The following SLCO3A1 variants were observed in gnomAD, a reference collection of about 807,000 sequenced individuals.
SLCO3A1 encodes solute carrier organic anion transporter family member 3A1.
Under a neutral mutation model 63.1 loss-of-function variants are expected in SLCO3A1, and 27 were observed. That is an observed-to-expected ratio of 0.43 (90% confidence interval 0.32 to 0.59). The LOEUF (loss-of-function observed/expected upper bound fraction) is 0.59. Among genes scored for constraint, SLCO3A1 ranks in the 20% least tolerant of loss-of-function variants. SLCO3A1 has a pLI of 0.09. For synonymous variants in SLCO3A1, 473 were observed against 409.9 expected (o/e 1.15, Z -1.86); for missense variants, 773 against 945.8 (o/e 0.82, Z 2.40).
rs538290228 is a variant in SLCO3A1 at position 92,147,246 on chromosome 15, G to T, written c.1688+87G>T. The T allele has an allele frequency of 5.4e-5, 73 of 1,344,312 alleles. 1 individual carries two copies. In the Middle Eastern group the frequency reaches 5.7e-4, roughly 10 times the overall value. The allele number at this position is 1,344,312 out of a possible 1,614,324, so 83.3% of individuals were successfully genotyped here. A position where few individuals can be genotyped will look rare whatever the true frequency, so the allele number is the denominator to read the frequency against. On this transcript the variant is annotated intron_variant, in intron 8 of 9. Coordinates refer to ENST00000318445, the MANE Select transcript of SLCO3A1 (RefSeq NM_013272.4). ...CTAGGGACCAGAGCTTCAGACAACAGGAATCTCTCGAACCAGGTGAGCTAG... is the reference window on the plus strand; with the variant it reads ...CTAGGGACCAGAGCTTCAGACAACATGAATCTCTCGAACCAGGTGAGCTAG...
In SLCO3A1 at chr15:91,882,358, T is replaced by C. The variant is rs1447856466; in HGVS notation, c.180+28270T>C. On this transcript the variant is annotated intron_variant, in intron 1 of 9. Coordinates refer to ENST00000318445, the MANE Select transcript of SLCO3A1 (RefSeq NM_013272.4). This position sits in a 1 kb window ranked among gnomAD's most constrained non-coding sequence, Gnocchi z 4.4. Reference sequence around the variant, plus strand: ...TATTGAACCCATGCATTTGCTTCTCTTTGTGTTCATAGCTCCCAGTTTAAG... The same window carrying C: ...TATTGAACCCATGCATTTGCTTCTCCTTGTGTTCATAGCTCCCAGTTTAAG... 6.6e-6 allele frequency among the ~76,000 whole-genome samples: 1 copy of C among 152,234 alleles called. No individual in the cohort carries two copies. Among genetic ancestry groups the C allele is most frequent in the Non-Finnish European group, 1.5e-5 (1 of 68,046 alleles).
In SLCO3A1 at chr15:92,061,480, G is replaced by T. The variant is rs114213569; in HGVS notation, c.647-33401G>T. ...GTTCCTTAGTAGCTGCCCCTCTGAA[G>T]GTCCTGAGAGACTGAGACTTCCCAA... On this transcript the variant is annotated intron_variant, in intron 2 of 9. Coordinates refer to ENST00000318445, the MANE Select transcript of SLCO3A1 (RefSeq NM_013272.4). Among the ~76,000 whole-genome samples, 664 of 152,320 alleles carry T rather than the reference G, an allele frequency of 4.4e-3. 5 individuals carry two copies. Among genetic ancestry groups the T allele is most frequent in the African/African-American group, 0.015 (615 of 41,570 alleles).
At chr15:92,062,079 A>G (rs1412853932) in intron 2 of SLCO3A1, among the ~76,000 whole-genome samples, 1 of 152,254 alleles carries the variant, frequency 6.6e-6, no homozygotes, top group Non-Finnish European at 1.5e-5. Context: ...TTGTCAAAAC[A>G]GGATGAAGAG....
At chr15:92,083,680 GC>G (rs1387782329) in intron 2 of SLCO3A1, among the ~76,000 whole-genome samples, 1 of 152,146 alleles carries the variant, frequency 6.6e-6, no homozygotes, top group Admixed American at 6.5e-5. Context: ...TAAGCCTTGT[GC>G]ATAGAAACAG....
At chr15:91,990,966 G>A (rs2046119083) in intron 2 of SLCO3A1, among the ~76,000 whole-genome samples, 1 of 152,236 alleles carries the variant, frequency 6.6e-6, no homozygotes, top group South Asian at 2.1e-4. Flanking sequence ...CAGCAGCAAA[G>A]CGGGCACTTC....
intron 2 of SLCO3A1, among the ~76,000 whole-genome samples, chr15:92,045,203 C>T (rs1395420014): frequency 2.0e-5 from 3 of 150,052 alleles, no homozygotes; most frequent in African/African-American, 7.4e-5. Context: ...TCTCTTGAAC[C>T]TGGGAGGCGG....
intron 1 of SLCO3A1, among the ~76,000 whole-genome samples, chr15:91,905,273 C>T (rs1345275482): frequency 6.6e-6 from 1 of 152,168 alleles, no homozygotes; most frequent in Non-Finnish European, 1.5e-5. Flanking sequence ...CTGCCTTAAA[C>T]CAATGTTTCT....
intron 2 of SLCO3A1, among the ~76,000 whole-genome samples, chr15:91,965,570 G>A (rs1332252191): frequency 2.6e-5 from 4 of 152,070 alleles, no homozygotes; most frequent in African/African-American, 9.7e-5. Context: ...TTTCTATGTT[G>A]CCTGCTCATC....
chr15:92,090,056 C>T lies in SLCO3A1; in HGVS notation c.647-4825C>T, dbSNP rs181676298. On this transcript the variant is annotated intron_variant, in intron 2 of 9. Transcript: ENST00000318445. ...ACAGAAAATATATATATATTTTAGT[C>T]ATAATCGCTTACTAATGGGATGTGT... 7.9e-5 allele frequency among the ~76,000 whole-genome samples: 12 copies of T among 152,252 alleles called. No individual in the cohort carries two copies. In the South Asian group the frequency reaches 2.3e-3, roughly 29 times the overall value.
At chr15:91,988,604 T>A (rs1036425829) in intron 2 of SLCO3A1, among the ~76,000 whole-genome samples, 1 of 152,056 alleles carries the variant, frequency 6.6e-6, no homozygotes, top group Admixed American at 6.6e-5. Context: ...GTTTTTGAAC[T>A]TGAGGGGAAT....
chr15:91,869,229 T>C (rs1225860035), intron 1 of SLCO3A1, among the ~76,000 whole-genome samples: 2 of 152,084 alleles, frequency 1.3e-5, no homozygotes, highest in African/African-American at 4.8e-5. Flanking sequence ...AGGGAGACCC[T>C]GTCTCTACAA....
At chr15:92,077,195 G>A (rs573078219) in intron 2 of SLCO3A1, among the ~76,000 whole-genome samples, 5 of 152,226 alleles carry the variant, frequency 3.3e-5, no homozygotes, top group South Asian at 2.1e-4. Context: ...CCCACGACCC[G>A]TGGGAATTAT....
At chr15:92,001,173 G>T (rs1165879048) in intron 2 of SLCO3A1, among the ~76,000 whole-genome samples, 1 of 129,012 alleles carries the variant, frequency 7.8e-6, no homozygotes, top group African/African-American at 2.9e-5. Context: ...TAAATAAGCA[G>T]TTAAGAACCA....
At chr15:92,058,425 C>T (rs1021435801) in intron 2 of SLCO3A1, among the ~76,000 whole-genome samples, 24 of 152,176 alleles carry the variant, frequency 1.6e-4, no homozygotes, top group East Asian at 3.9e-4. Flanking sequence ...CTCACCCATC[C>T]CCTAAGCCCA....
chr15:92,015,119 C>T (rs34434778), intron 2 of SLCO3A1, among the ~76,000 whole-genome samples: 46 of 152,132 alleles, frequency 3.0e-4, no homozygotes, highest in Non-Finnish European at 6.0e-4. Flanking sequence ...GAGTGATGTC[C>T]TACTGATGAG....
intron 2 of SLCO3A1, among the ~76,000 whole-genome samples, chr15:91,978,713 G>A (rs1238100952): frequency 1.3e-5 from 2 of 152,192 alleles, no homozygotes; most frequent in Admixed American, 6.5e-5. Context: ...TTACTAAGTA[G>A]ATAGATTAAA....
chr15:92,058,608 A>G (rs1021552285), intron 2 of SLCO3A1, among the ~76,000 whole-genome samples: 7 of 152,120 alleles, frequency 4.6e-5, no homozygotes, highest in Non-Finnish European at 5.9e-5. Flanking sequence ...TCTCTGGGAG[A>G]TGAATATTCC....
chr15:92,112,681 G>A (rs1022315759), intron 4 of SLCO3A1, among the ~76,000 whole-genome samples: 4 of 152,216 alleles, frequency 2.6e-5, no homozygotes, highest in Non-Finnish European at 4.4e-5. Context: ...ACATGTAATG[G>A]CAGGGGACTC....
At chr15:91,907,250 A>G (rs555791360) in intron 1 of SLCO3A1, among the ~76,000 whole-genome samples, 6 of 152,190 alleles carry the variant, frequency 3.9e-5, no homozygotes, top group Admixed American at 1.3e-4. Context: ...TCTGTTGCCC[A>G]GGCTGGAGTG....
Sources: gnomAD v4.1 joint callset for allele counts (sites outside exome capture counted in the v4.1 genomes callset) on GRCh38, gnomAD v4.1.1 for gene constraint, Gnocchi (gnomAD v3.1) non-coding constraint, MANE v1.5 for transcripts, NCBI Gene and HGNC (gene_info 2026-07-23, HGNC 2026-07-21) for gene names.